NALF1: variants seen among roughly 807,000 people sequenced by gnomAD.
NALF1 encodes NALCN channel auxiliary factor 1.
Under a neutral mutation model 48.4 loss-of-function variants are expected in NALF1, and 3 were observed. The observed-to-expected ratio is 0.06, with a 90% CI of 0.03 to 0.16. The LOEUF (loss-of-function observed/expected upper bound fraction) is 0.16, where lower values mean the gene tolerates loss of function less well. NALF1 is among the 10% of genes least tolerant of loss of function. The pLI, the probability that NALF1 is intolerant of heterozygous loss-of-function variation, is 1.00. For missense variants in NALF1, 526 were observed against 571.5 expected, an observed-to-expected ratio of 0.92 and a Z score of 0.81; for synonymous variants, 262 against 245.7, an observed-to-expected ratio of 1.07 and a Z score of -0.62.
chr13:107,179,987 T>C (rs1460993092), intron 2 of NALF1, among the ~76,000 whole-genome samples: 1 of 146,838 alleles, frequency 6.8e-6, no homozygotes, highest in African/African-American at 2.5e-5. Flanking sequence ...ATGAATTCCA[T>C]GTACAAAGAC....
chr13:107,865,020 C>T (rs1272284468), intron 1 of NALF1, among the ~76,000 whole-genome samples: 2 of 152,160 alleles, frequency 1.3e-5, no homozygotes, highest in Non-Finnish European at 2.9e-5. Flanking sequence ...AATCACTAGA[C>T]ACCTAATTAC....
At position 107,866,812 on chromosome 13, in the gene NALF1, A is replaced by G. The variant is rs1008274825; in HGVS notation, c.-216T>C. ...ATCTCTCTCTGTCTCTTTTGCCTAC[A>G]TAAATATTACCAGGCTTTGAAGGAA... On this transcript the variant is annotated 5_prime_UTR_variant, in exon 1 of 3. It removes an upstream start codon present in the reference 5' UTR. Transcript: ENST00000375915. This position sits in a 1 kb window ranked among gnomAD's most constrained non-coding sequence, Gnocchi z 4.4. 2 of 573,528 alleles carry G rather than the reference A, an allele frequency of 3.5e-6. No individual in the cohort carries two copies. Among genetic ancestry groups the G allele is most frequent in the African/African-American group, 3.8e-5 (2 of 52,682 alleles). The allele number at this position is 573,528 out of a possible 1,614,324, so 35.5% of individuals were successfully genotyped here.
chr13:107,505,923 GT>G (rs1270757434), intron 1 of NALF1, among the ~76,000 whole-genome samples: 1 of 152,058 alleles, frequency 6.6e-6, no homozygotes, highest in African/African-American at 2.4e-5. Context: ...CGGCAGAGTG[GT>G]TTGCCTCGTG....
chr13:107,478,228 A>T (rs2139058361), intron 1 of NALF1, among the ~76,000 whole-genome samples: 1 of 152,278 alleles, frequency 6.6e-6, no homozygotes, highest in African/African-American at 2.4e-5. Flanking sequence ...ATTTTCTCAC[A>T]TAAGAAATGT....
At chr13:107,327,714 G>A (rs1308629420) in intron 1 of NALF1, among the ~76,000 whole-genome samples, 1 of 151,988 alleles carries the variant, frequency 6.6e-6, no homozygotes, top group Non-Finnish European at 1.5e-5. Context: ...ACCTATTTGT[G>A]GTTGCAATAC....
chr13:107,214,869 C>CT (rs2138809062), intron 1 of NALF1, among the ~76,000 whole-genome samples: 1 of 152,288 alleles, frequency 6.6e-6, no homozygotes, highest in South Asian at 2.1e-4. Flanking sequence ...TCATAAAGCC[C>CT]TTGAGACTTG....
At chr13:107,674,513 G>T (rs1881067727) in intron 1 of NALF1, among the ~76,000 whole-genome samples, 2 of 152,136 alleles carry the variant, frequency 1.3e-5, no homozygotes. Context: ...TCTATTGGGA[G>T]ATTGGCATTT....
At chr13:107,225,255 C>T (rs943158298) in intron 1 of NALF1, among the ~76,000 whole-genome samples, 3 of 152,082 alleles carry the variant, frequency 2.0e-5, no homozygotes, top group Admixed American at 6.6e-5. Flanking sequence ...GTGATCCACC[C>T]GCCTCGGCCT....
chr13:107,846,382 ATTG>A (rs1325253978), intron 1 of NALF1, among the ~76,000 whole-genome samples: 2 of 152,184 alleles, frequency 1.3e-5, no homozygotes, highest in African/African-American at 4.8e-5. Flanking sequence ...TTTAGCAGAA[ATTG>A]TTGTAAGCCA....
At position 107,398,507 on chromosome 13, in the gene NALF1, G is replaced by T. The variant is rs569273908; in HGVS notation, c.916-187752C>A. Among the ~76,000 whole-genome samples the T allele has an allele frequency of 5.0e-4, 76 of 152,232 alleles. 1 individual carries two copies. The South Asian group carries it at 0.015, about 30-fold the overall frequency. On this transcript the variant is annotated intron_variant, in intron 1 of 2. Transcript: ENST00000375915. ...TGAATGAAAGCATGTTAAAATGCTG[G>T]TTCTTCATTATTATTCTTGGATAGA...
chr13:107,324,430 G>A (rs57418082), intron 1 of NALF1, among the ~76,000 whole-genome samples: 2,140 of 152,204 alleles, frequency 0.014, 47 homozygotes, highest in African/African-American at 0.049. Context: ...ACTTGACCTT[G>A]TACTTAACTT....
chr13:107,751,199 G>A (rs920667230), intron 1 of NALF1, among the ~76,000 whole-genome samples: 3 of 152,146 alleles, frequency 2.0e-5, no homozygotes, highest in Admixed American at 6.5e-5. Context: ...TTTGGAGTGG[G>A]TAAATTATCG....
intron 1 of NALF1, among the ~76,000 whole-genome samples, chr13:107,366,344 T>C (rs772336396): frequency 6.6e-6 from 1 of 152,222 alleles, no homozygotes; most frequent in Non-Finnish European, 1.5e-5. Flanking sequence ...GAAGGCATTA[T>C]AATCACTTTG....
chr13:107,495,069 A>G (rs55737174), intron 1 of NALF1, among the ~76,000 whole-genome samples: 1,971 of 152,328 alleles, frequency 0.013, 21 homozygotes, highest in Middle Eastern at 0.051. Flanking sequence ...TGGATACATC[A>G]TCATATCATT....
chr13:107,424,613 G>A (rs1884247865), intron 1 of NALF1, among the ~76,000 whole-genome samples: 1 of 152,068 alleles, frequency 6.6e-6, no homozygotes, highest in Admixed American at 6.6e-5. Context: ...AGAAAGGGAA[G>A]GAGAAGAAAA....
At chr13:107,641,489 A>T (rs984329424) in intron 1 of NALF1, among the ~76,000 whole-genome samples, 2 of 152,216 alleles carry the variant, frequency 1.3e-5, no homozygotes, top group Non-Finnish European at 2.9e-5. Flanking sequence ...CATTGTATGC[A>T]TTTATCAAAA....
intron 1 of NALF1, among the ~76,000 whole-genome samples, chr13:107,360,215 A>C (rs9555353): frequency 0.24 from 36,007 of 152,136 alleles, 4,604 homozygotes; most frequent in East Asian, 0.41. Context: ...AGTCAAAGGA[A>C]GTGTGCATAG....
chr13:107,505,559 AAGAG>A (rs1200341238), intron 1 of NALF1, among the ~76,000 whole-genome samples: 1 of 152,172 alleles, frequency 6.6e-6, no homozygotes, highest in Non-Finnish European at 1.5e-5. Context: ...GAGTGAAAGA[AAGAG>A]AAAGTCATGG....
At chr13:107,772,291 C>T (rs993807570) in intron 1 of NALF1, among the ~76,000 whole-genome samples, 30 of 152,100 alleles carry the variant, frequency 2.0e-4, no homozygotes, top group African/African-American at 7.0e-4. Flanking sequence ...CTTTCTTGCG[C>T]GAGATCCAAG....
Sources: allele counts gnomAD v4.1 joint callset (sites outside exome capture counted in the v4.1 genomes callset), GRCh38; gene constraint gnomAD v4.1.1; non-coding constraint Gnocchi (gnomAD v3.1); transcripts MANE v1.5; gene names NCBI Gene and HGNC (gene_info 2026-07-23, HGNC 2026-07-21).